ABCB5: variants seen among roughly 807,000 people sequenced by gnomAD.
ABCB5 encodes ATP binding cassette subfamily B member 5.
In ABCB5, 155 loss-of-function variants were observed where a neutral mutation model predicts 144.2. That is an observed-to-expected ratio of 1.08 (90% CI 0.94 to 1.23). The LOEUF (loss-of-function observed/expected upper bound fraction) is 1.23, where lower values mean the gene tolerates loss of function less well. Among genes scored for constraint, ABCB5 ranks in the 50% most tolerant of loss-of-function variants. The probability of loss-of-function intolerance (pLI) is 0.00; values close to 1 mark genes in which losing one functional copy is unlikely to be tolerated. For missense variants in ABCB5, 1,830 were observed against 1,520.8 expected, an observed-to-expected ratio of 1.20 and a Z score of -3.38; for synonymous variants, 610 against 528.6, an observed-to-expected ratio of 1.15 and a Z score of -2.11.
At position 20,637,134 on chromosome 7, in the gene ABCB5, G is replaced by T. The variant is rs957411799; in HGVS notation, c.314+5021G>T. On this transcript the variant is annotated intron_variant, in intron 5 of 27. Transcript: ENST00000404938. ...AATATTTTAATGAACATATTTTGGG[G>T]ACACATTGATTTGCATAATTTTTTG... is the stretch of plus-strand genomic sequence containing the variant. Among the ~76,000 whole-genome samples the T allele has an allele frequency of 2.6e-5, 4 of 152,224 alleles. No homozygotes were observed. In the South Asian group the frequency reaches 8.3e-4, roughly 32 times the overall value.
chr7:20,624,195 T>C (rs962878924), intron 2 of ABCB5, among the ~76,000 whole-genome samples: 2 of 152,222 alleles, frequency 1.3e-5, no homozygotes, highest in Non-Finnish European at 2.9e-5. Flanking sequence ...TATTTTAGAA[T>C]ACATTTGTGC....
chr7:20,648,370 G>A (rs1408552167), intron 11 of ABCB5, among the ~76,000 whole-genome samples: 1 of 152,110 alleles, frequency 6.6e-6, no homozygotes, highest in Non-Finnish European at 1.5e-5. Context: ...GCCACCTGTT[G>A]GTGGTTCCTA....
intron 24 of ABCB5, 75 bp downstream of exon 24, chr7:20,739,214 G>C (rs1172765817): frequency 7.3e-7 from 1 of 1,368,986 alleles, no homozygotes; most frequent in Non-Finnish European, 9.4e-7. Context: ...GAAGATGGGA[G>C]GGAGAGAGGG....
rs1406083256 is a variant in ABCB5 at position 20,755,591 on chromosome 7, T to C, written c.3741T>C (p.Tyr1247=). 1.2e-6 allele frequency: 2 copies of C among 1,614,084 alleles called. No individual in the cohort carries two copies. Among genetic ancestry groups the C allele is most frequent in the East Asian group, 2.2e-5 (1 of 44,894 alleles). ...HQELLRNRDI[Y]FKLVNAQSVQ is the part of the protein sequence containing the mutation. ...AGCTCCTGAGAAATCGAGACATATATTTTAAGTTAGTGAATGCACAGTCAG... is the reference window on the plus strand; with the variant it reads ...AGCTCCTGAGAAATCGAGACATATACTTTAAGTTAGTGAATGCACAGTCAG... The change falls in exon 28 of 28, where the codon TAT becomes TAC. Residue 1247 remains tyrosine (Y), a synonymous_variant. Transcript: ENST00000404938.
At chr7:20,656,230 TTC>T (rs555393704) in intron 13 of ABCB5, among the ~76,000 whole-genome samples, 99 of 152,274 alleles carry the variant, frequency 6.5e-4, no homozygotes, top group African/African-American at 2.2e-3. Context: ...AGGCAAAAGT[TTC>T]TTAGACTGAA....
chr7:20,709,077 T>C (rs77358554), intron 20 of ABCB5, among the ~76,000 whole-genome samples: 2 of 152,216 alleles, frequency 1.3e-5, no homozygotes, highest in Non-Finnish European at 2.9e-5. Flanking sequence ...ATCTACCTTA[T>C]TTTTTAATTG....
intron 2 of ABCB5, among the ~76,000 whole-genome samples, chr7:20,626,190 A>G (rs1783905012): frequency 6.6e-6 from 1 of 152,220 alleles, no homozygotes; most frequent in Non-Finnish European, 1.5e-5. Context: ...TAATGTGTAC[A>G]GAGGCTTAGT....
intron 3 of ABCB5, among the ~76,000 whole-genome samples, chr7:20,626,854 GGT>G (rs370537783): frequency 0.12 from 16,539 of 143,532 alleles, 948 homozygotes; most frequent in East Asian, 0.18. Context: ...GTGTTTTTGG[GGT>G]GTGTGTGTGT....
chr7:20,667,347 G>A (rs1005831226), intron 14 of ABCB5: 1 of 984,848 alleles, frequency 1.0e-6, no homozygotes, highest in Non-Finnish European at 1.2e-6. Flanking sequence ...AATCCCCTGT[G>A]AAGAAAAGAA....
chr7:20,627,766 A>C (rs1206570394), intron 3 of ABCB5, among the ~76,000 whole-genome samples: 1 of 152,200 alleles, frequency 6.6e-6, no homozygotes, highest in Non-Finnish European at 1.5e-5. Flanking sequence ...ATAATTCATT[A>C]CATTTTTACT....
At position 20,733,370 on chromosome 7, in the gene ABCB5, G is replaced by A. The variant is rs943092811; in HGVS notation, c.2867+4915G>A. On this transcript the variant is annotated intron_variant, in intron 23 of 27. Transcript: ENST00000404938. ...GTGCTATTTTATAGCCCTAAAATATGAGAATGAAAAGTCCCCAATATAAAA... is the reference window on the plus strand; with the variant it reads ...GTGCTATTTTATAGCCCTAAAATATAAGAATGAAAAGTCCCCAATATAAAA... Among the ~76,000 whole-genome samples the A allele has an allele frequency of 2.6e-5, 4 of 152,190 alleles. No homozygotes were observed. The South Asian group carries it at 6.2e-4, about 24-fold the overall frequency.
rs545618290 is a variant in ABCB5 at position 20,700,851 on chromosome 7, C to T, written c.2337+716C>T. On this transcript the variant is annotated intron_variant, in intron 19 of 27. Coordinates refer to ENST00000404938, the MANE Select transcript of ABCB5 (RefSeq NM_001163941.2). ...CTCACTTTCTGTCACAAAAGCTCAC[C>T]AGGCAGGAGCAAATAGCTTCCTGCC... Among the ~76,000 whole-genome samples the T allele has an allele frequency of 1.2e-4, 18 of 152,284 alleles. No individual in the cohort carries two copies. The East Asian group carries it at 3.3e-3, about 28-fold the overall frequency.
intron 14 of ABCB5, among the ~76,000 whole-genome samples, chr7:20,661,821 C>T (rs1373601396): frequency 6.6e-6 from 1 of 152,114 alleles, no homozygotes; most frequent in African/African-American, 2.4e-5. Flanking sequence ...GGGTGAGCCA[C>T]CGCGCCCAGC....
intron 11 of ABCB5, 133 bp downstream of exon 11, chr7:20,648,211 G>A (rs1263601334): frequency 1.6e-6 from 1 of 613,648 alleles, no homozygotes; most frequent in Non-Finnish European, 2.9e-6. Context: ...GACTTGAGGA[G>A]GTAGATAAAT....
rs970197859 is a variant in ABCB5 at position 20,648,082 on chromosome 7, G to T, written c.1206+4G>T. 1.3e-6 allele frequency: 2 copies of T among 1,540,626 alleles called. No homozygotes were observed. The highest frequency in any genetic ancestry group is 4.5e-5 in the East Asian group (2 of 44,484). ...TCCATCAAGACCATCTATCAAGGTA[G>T]GTTAAAACAAATTACGCAATTGTGC... is the stretch of plus-strand genomic sequence containing the variant. On this transcript the variant is annotated splice_donor_region_variant and intron_variant, in intron 11 of 27. Coordinates refer to ENST00000404938, the MANE Select transcript of ABCB5 (RefSeq NM_001163941.2).
chr7:20,660,166 T>C (rs1784957325), intron 14 of ABCB5: 2 of 979,986 alleles, frequency 2.0e-6, no homozygotes, highest in Non-Finnish European at 2.4e-6. Flanking sequence ...TTCTTATTGG[T>C]TAATATGAAA....
At chr7:20,714,235 T>C (rs1341218990) in intron 20 of ABCB5, among the ~76,000 whole-genome samples, 1 of 152,214 alleles carries the variant, frequency 6.6e-6, no homozygotes. Flanking sequence ...CTTCCTTTCA[T>C]AATTTTCTTA....
At chr7:20,670,386 A>AG (rs1239017848) in intron 14 of ABCB5, among the ~76,000 whole-genome samples, 19 of 150,656 alleles carry the variant, frequency 1.3e-4, no homozygotes, top group Non-Finnish European at 1.5e-5. Context: ...AAAAAGAAAA[A>AG]GAAAAAAAAA....
intron 23 of ABCB5, among the ~76,000 whole-genome samples, chr7:20,735,799 G>A (rs893678156): frequency 4.6e-5 from 7 of 152,168 alleles, no homozygotes; most frequent in South Asian, 2.1e-4. Context: ...GGCAGCTCAC[G>A]TTCCAACCCT....
Sources: gnomAD v4.1 joint callset for allele counts (sites outside exome capture counted in the v4.1 genomes callset) on GRCh38, gnomAD v4.1.1 for gene constraint, MANE v1.5 for transcripts, NCBI Gene and HGNC (gene_info 2026-07-23, HGNC 2026-07-21) for gene names.